The following GRIK2 variants were observed in gnomAD, a reference collection of about 807,000 sequenced individuals.
GRIK2 encodes the protein glutamate receptor ionotropic, kainate 2.
Under a neutral mutation model 100.3 loss-of-function variants are expected in GRIK2, and 32 were observed. The ratio of observed to expected loss-of-function variants is 0.32; its 90% CI spans 0.24 to 0.43. The LOEUF is 0.43. Among genes scored for constraint, GRIK2 ranks in the 20% least tolerant of loss-of-function variants. The pLI is 1.00. For missense variants in GRIK2, 843 were observed against 1,114.9 expected (o/e 0.76, Z 3.47); for synonymous variants, 417 against 389.4 (o/e 1.07, Z -0.83).
chr6:101,526,943 G>T (rs1297637217), intron 2 of GRIK2, among the ~76,000 whole-genome samples: 1 of 152,180 alleles, frequency 6.6e-6, no homozygotes, highest in Admixed American at 6.5e-5. Flanking sequence ...TCTCCTAGCA[G>T]GTTCCAACGG....
intron 10 of GRIK2, among the ~76,000 whole-genome samples, chr6:101,826,248 AT>A (rs760399435): frequency 6.6e-6 from 1 of 152,174 alleles, no homozygotes; most frequent in Non-Finnish European, 1.5e-5. Context: ...ATGGGTGATT[AT>A]TTTTAGAGTC....
At chr6:101,714,405 A>G (rs1773923349) in intron 7 of GRIK2, among the ~76,000 whole-genome samples, 1 of 151,736 alleles carries the variant, frequency 6.6e-6, no homozygotes, top group African/African-American at 2.4e-5. Flanking sequence ...AAATATATTG[A>G]TGTATCTTAC....
intron 2 of GRIK2, among the ~76,000 whole-genome samples, chr6:101,511,850 A>G (rs1047296379): frequency 6.6e-6 from 1 of 151,976 alleles, no homozygotes; most frequent in Non-Finnish European, 1.5e-5. Flanking sequence ...TTATGAACTC[A>G]CCTATGATCA....
chr6:101,785,335 T>G (rs1779354979), intron 7 of GRIK2, among the ~76,000 whole-genome samples: 1 of 152,170 alleles, frequency 6.6e-6, no homozygotes, highest in Non-Finnish European at 1.5e-5. Context: ...GTGTCCCATA[T>G]GTCTATTTTT....
At chr6:101,774,580 T>C (rs1460614149) in intron 7 of GRIK2, among the ~76,000 whole-genome samples, 1 of 152,156 alleles carries the variant, frequency 6.6e-6, no homozygotes, top group Non-Finnish European at 1.5e-5. Context: ...GAATGAGATA[T>C]CTCAATGGAC....
At chr6:101,634,152 T>C (rs1347546593) in intron 4 of GRIK2, among the ~76,000 whole-genome samples, 1 of 152,090 alleles carries the variant, frequency 6.6e-6, no homozygotes, top group African/African-American at 2.4e-5. Flanking sequence ...ATTCCTGAAT[T>C]AGCCAAGTTG....
At chr6:101,627,271 A>G (rs939782157) in intron 4 of GRIK2, among the ~76,000 whole-genome samples, 1 of 152,000 alleles carries the variant, frequency 6.6e-6, no homozygotes, top group African/African-American at 2.4e-5. Flanking sequence ...CTTCCCAAGT[A>G]GCTGGGATTA....
At chr6:101,953,300 CAAGTGGT>C (rs1373358428) in intron 14 of GRIK2, among the ~76,000 whole-genome samples, 2 of 152,074 alleles carry the variant, frequency 1.3e-5, no homozygotes, top group African/African-American at 4.8e-5. Flanking sequence ...ATTCATGGGT[CAAGTGGT>C]AAATATATGT....
At chr6:101,598,488 A>G (rs1430328980) in intron 2 of GRIK2, among the ~76,000 whole-genome samples, 2 of 151,126 alleles carry the variant, frequency 1.3e-5, no homozygotes, top group Non-Finnish European at 3.0e-5. Flanking sequence ...CAAGCTTGTA[A>G]TGAATTGGTG....
chr6:101,623,624 T>C (rs1043713139), intron 3 of GRIK2, among the ~76,000 whole-genome samples: 2 of 152,110 alleles, frequency 1.3e-5, no homozygotes, highest in Non-Finnish European at 2.9e-5. Flanking sequence ...GTTCGGATGT[T>C]CTCACAACAG....
At chr6:101,614,696 G>A (rs520257) in intron 2 of GRIK2, among the ~76,000 whole-genome samples, 33,009 of 151,510 alleles carry the variant, frequency 0.22, 4,467 homozygotes, top group African/African-American at 0.37. Flanking sequence ...AAATAAGATT[G>A]GTATAACATT....
At chr6:101,821,604 A>G (rs1002229218) in intron 10 of GRIK2, among the ~76,000 whole-genome samples, 4 of 152,078 alleles carry the variant, frequency 2.6e-5, no homozygotes, top group Non-Finnish European at 5.9e-5. Flanking sequence ...AAAGATCCTA[A>G]TATTTCCTAA....
chr6:101,580,206 A>G (rs62419650), intron 2 of GRIK2, among the ~76,000 whole-genome samples: 13,905 of 152,172 alleles, frequency 0.091, 782 homozygotes, highest in African/African-American at 0.15. Flanking sequence ...TGACATCTCA[A>G]ACTGAACTCT....
intron 2 of GRIK2, among the ~76,000 whole-genome samples, chr6:101,618,722 T>A (rs1322701148): frequency 6.6e-6 from 1 of 151,702 alleles, no homozygotes; most frequent in Non-Finnish European, 1.5e-5. Context: ...TGGTGATAAA[T>A]CCTTTCAATT....
intron 2 of GRIK2, among the ~76,000 whole-genome samples, chr6:101,558,181 C>T (rs1346297398): frequency 6.6e-6 from 1 of 152,196 alleles, no homozygotes; most frequent in Non-Finnish European, 1.5e-5. Flanking sequence ...TCTACTCAAC[C>T]ATGCAGAAGG....
At chr6:101,433,372 G>A (rs994008473) in intron 2 of GRIK2, among the ~76,000 whole-genome samples, 2 of 152,102 alleles carry the variant, frequency 1.3e-5, no homozygotes, top group Admixed American at 6.5e-5. Context: ...TTATACCTGC[G>A]TGACGTGCAG....
intron 2 of GRIK2, among the ~76,000 whole-genome samples, chr6:101,612,671 T>G (rs190655598): frequency 1.5e-3 from 229 of 151,554 alleles, no homozygotes; most frequent in Admixed American, 3.8e-3. Flanking sequence ...AGGTGACTAT[T>G]TCAAAAGCTC....
At chr6:101,841,876 G>C (rs1442002706) in intron 10 of GRIK2, among the ~76,000 whole-genome samples, 1 of 152,038 alleles carries the variant, frequency 6.6e-6, no homozygotes, top group Non-Finnish European at 1.5e-5. Flanking sequence ...TTGGTACCTG[G>C]ATTTAATATC....
At chr6:102,028,394 A>G (rs1006546520) in intron 14 of GRIK2, among the ~76,000 whole-genome samples, 4 of 151,304 alleles carry the variant, frequency 2.6e-5, no homozygotes, top group African/African-American at 9.7e-5. Flanking sequence ...AAAAAAACAA[A>G]TCGGCTTACA....
Sources: allele counts gnomAD v4.1 joint callset (sites outside exome capture counted in the v4.1 genomes callset), GRCh38; gene constraint gnomAD v4.1.1; transcripts MANE v1.5; gene names NCBI Gene and HGNC (gene_info 2026-07-23, HGNC 2026-07-21).